HHEX: variants seen among roughly 807,000 people sequenced by gnomAD.
HHEX encodes hematopoietically expressed homeobox.
HHEX carries 8 observed loss-of-function variants against 27.0 expected under a neutral mutation model. The ratio of observed to expected loss-of-function variants is 0.30; its 90% confidence interval spans 0.17 to 0.54. HHEX has a LOEUF of 0.54. Ranked by LOEUF, HHEX falls within the 20% of genes least tolerant of loss-of-function variation. The pLI is 0.95. For missense variants in HHEX, 326 were observed against 357.2 expected (o/e 0.91, Z 0.70); for synonymous variants, 164 against 161.5 (o/e 1.02, Z -0.12).
At chr10:92,692,322 A>G (rs1306822863) in intron 1 of HHEX, 46 bp from the exon 2 acceptor site, 1 of 1,600,130 alleles carries the variant, frequency 6.2e-7, no homozygotes, top group South Asian at 1.1e-5. Flanking sequence ...GGGTCTGGCC[A>G]GGCCGCTCCA....
intron 2 of HHEX, 54 bp from the exon 3 acceptor site, chr10:92,692,648 C>G: frequency 1.2e-6 from 2 of 1,607,710 alleles, no homozygotes; most frequent in South Asian, 1.1e-5. Context: ...ACCCTGCCCT[C>G]TGGCACGTCC....
chr10:92,692,881 C>A, intron 3 of HHEX, 129 bp downstream of exon 3: 1 of 756,464 alleles, frequency 1.3e-6, no homozygotes, highest in Non-Finnish European at 2.2e-6. Context: ...ATTAAAAAGA[C>A]AAATAGTCCT....
At chr10:92,692,645 C>T (rs1845369435) in intron 2 of HHEX, 57 bp from the exon 3 acceptor site, 1 of 1,606,348 alleles carries the variant, frequency 6.2e-7, no homozygotes, top group Non-Finnish European at 8.5e-7. Flanking sequence ...GCCACCCTGC[C>T]CTCTGGCACG....
At chr10:92,693,694 G>A (rs150387891) in intron 3 of HHEX, among the ~76,000 whole-genome samples, 364 of 146,548 alleles carry the variant, frequency 2.5e-3, no homozygotes, top group African/African-American at 8.7e-3. Flanking sequence ...ATTTCTGACC[G>A]TGTGCATCTA....
chr10:92,694,039 T>G (rs1845380408), intron 3 of HHEX, among the ~76,000 whole-genome samples: 1 of 152,220 alleles, frequency 6.6e-6, no homozygotes, highest in African/African-American at 2.4e-5. Flanking sequence ...ATGTAGATGT[T>G]TATAAATTTA....
In HHEX at chr10:92,693,729, A is replaced by G. The variant is rs563896030; in HGVS notation, c.592-818A>G. Among the ~76,000 whole-genome samples, 3 of 152,294 alleles carry G rather than the reference A, an allele frequency of 2.0e-5. No homozygotes were observed. The South Asian group carries it at 6.2e-4, about 32-fold the overall frequency. ...ATTTGTTGAGACTATAAGGCTTGCA[A>G]CTATATAACAAATAGATGTTGTAAT... On this transcript the variant is annotated intron_variant, in intron 3 of 3. Coordinates refer to ENST00000282728, the MANE Select transcript of HHEX (RefSeq NM_002729.5).
rs188232439 is a variant in HHEX at position 92,694,666 on chromosome 10, G to A, written c.711G>A (p.Ser237=). 2.0e-5 allele frequency: 32 copies of A among 1,614,056 alleles called. No homozygotes were observed. Among genetic ancestry groups the A allele is most frequent in the South Asian group, 9.9e-5 (9 of 91,080 alleles). Residue 237 remains serine (S), a synonymous_variant, in exon 4 of 4, where the codon TCG becomes TCA. Transcript: ENST00000282728. ...CTTCTTTGGATAGCTCTCAATGTTC[G>A]CCCTCCCCTGCCTCCCAGGAAGACC... ...KGASLDSSQC[S]PSPASQEDLE... is the part of the protein sequence containing the mutation.
chr10:92,690,373 G>A (rs866019189), intron 1 of HHEX, 26 bp downstream of exon 1: 2 of 1,404,830 alleles, frequency 1.4e-6, no homozygotes, highest in East Asian at 3.0e-5. Flanking sequence ...GAGGGTGGGG[G>A]CGAGGAAGCG....
In HHEX at chr10:92,692,426, C is replaced by A; in HGVS notation, c.420C>A (p.Gly140=). The change falls in exon 2 of 4, where the codon GGC becomes GGA. Residue 140 remains glycine, a synonymous_variant. Transcript: ENST00000282728. The part of the protein sequence containing the change: ...LQRPLHKRKG[G]QVRFSNDQTI... The stretch of plus-strand genomic sequence containing the variant: ...GGCCTCTGCATAAAAGGAAAGGCGG[C>A]CAGGTGAGATTCTCCAACGACCAGA... 1 of 1,614,030 alleles carries A rather than the reference C, an allele frequency of 6.2e-7. No individual in the cohort carries two copies. Among genetic ancestry groups the A allele is most frequent in the Non-Finnish European group, 8.5e-7 (1 of 1,179,992 alleles).
rs1443609824 is a variant in HHEX, at chr10:92,690,070, C to T, written c.84C>T (p.His28=). Residue 28 remains histidine, a synonymous_variant, in exon 1 of 4, where the codon CAC becomes CAT. Coordinates refer to ENST00000282728, the MANE Select transcript of HHEX (RefSeq NM_002729.5). Reference sequence around the variant, plus strand: ...CCACGCCGCTGCTGCAACCCGCACACCCGACGCCCTTTTACATCGAGGACA... The same window carrying T: ...CCACGCCGCTGCTGCAACCCGCACATCCGACGCCCTTTTACATCGAGGACA... ...YAPTPLLQPA[H]PTPFYIEDIL... 2.6e-6 allele frequency: 4 copies of T among 1,545,912 alleles called. No individual in the cohort carries two copies. The highest frequency in any genetic ancestry group is 3.9e-5 in the Admixed American group (2 of 50,786).
At chr10:92,692,226 T>TCCAC in intron 1 of HHEX, 142 bp from the exon 2 acceptor site, 1 of 758,620 alleles carries the variant, frequency 1.3e-6, no homozygotes, top group Non-Finnish European at 2.2e-6. Context: ...ACGTGTTAGG[T>TCCAC]CCACGTGCCG....
At chr10:92,692,314 G>A in intron 1 of HHEX, 54 bp from the exon 2 acceptor site, 2 of 1,588,900 alleles carry the variant, frequency 1.3e-6, no homozygotes, top group Non-Finnish European at 1.7e-6. Flanking sequence ...CAGCTCTGGG[G>A]TCTGGCCAGG....
Sources: allele counts gnomAD v4.1 joint callset (sites outside exome capture counted in the v4.1 genomes callset), GRCh38; gene constraint gnomAD v4.1.1; transcripts MANE v1.5; gene names NCBI Gene and HGNC (gene_info 2026-07-23, HGNC 2026-07-21).